Variants in TTYH2 observed in about 807,000 individuals in gnomAD.
TTYH2 encodes the protein protein tweety homolog 2.
A neutral mutation model predicts 68.3 loss-of-function variants in TTYH2; 49 were observed. The observed-to-expected ratio is 0.72, with a 90% confidence interval of 0.57 to 0.91. The LOEUF is 0.91. Ranked by LOEUF, TTYH2 falls within the 40% of genes least tolerant of loss-of-function variation. The pLI is 0.00. For missense variants in TTYH2, 631 were observed against 700.4 expected (o/e 0.90, Z 1.12); for synonymous variants, 272 against 300.8 (o/e 0.90, Z 0.99).
chr17:74,255,836 T>C (rs2050688521), intron 13 of TTYH2, among the ~76,000 whole-genome samples: 2 of 152,154 alleles, frequency 1.3e-5, no homozygotes, highest in African/African-American at 4.8e-5. Flanking sequence ...CTCCCTTCAT[T>C]GGGCCTGGCG....
Position 74,249,969 on chromosome 17 carries a change from A to G in TTYH2, c.964A>G (p.Met322Val). The change falls in exon 9 of 14, where the codon ATG (methionine) becomes GTG (valine). Residue 322 changes from methionine (M) to valine (V), a missense_variant. Physicochemically the swap from Met to Val is conservative, Grantham distance 21 (BLOSUM62 1). Coordinates refer to ENST00000269346, the MANE Select transcript of TTYH2 (RefSeq NM_032646.6). ...CACCTTCCAGCGCGCACTTACCACC[A>G]TGCAGATCCAGGTCGCGGGGCTGCT... ...LTTFQRALTT[M>V]QIQVAGLLQF... The G allele has an allele frequency of 1.2e-6, 2 of 1,614,038 alleles. No homozygotes were observed. Among genetic ancestry groups the G allele is most frequent in the South Asian group, 1.1e-5 (1 of 91,068 alleles).
At chr17:74,218,771 C>T (rs2050246177) in intron 1 of TTYH2, among the ~76,000 whole-genome samples, 1 of 152,120 alleles carries the variant, frequency 6.6e-6, no homozygotes, top group Admixed American at 6.5e-5. Context: ...GCCTTCCTTG[C>T]TGGGTGGGGA....
chr17:74,237,367 C>T lies in TTYH2; in HGVS notation c.488C>T (p.Ala163Val), dbSNP rs1441138324. 18 of 1,614,048 alleles carry T rather than the reference C, an allele frequency of 1.1e-5. No individual in the cohort carries two copies. The highest frequency in any genetic ancestry group is 1.7e-5 in the Admixed American group (1 of 60,000). Reference sequence around the variant, plus strand: ...GCCCGGCTCAGTGAGATCTTTGCTGCCCGGGGCGATTACCTGCAGACCCTG... The same window carrying T: ...GCCCGGCTCAGTGAGATCTTTGCTGTCCGGGGCGATTACCTGCAGACCCTG... Reference protein sequence around the residue: ...HLARLSEIFAARGDYLQTLKF... With the variant: ...HLARLSEIFAVRGDYLQTLKF... Residue 163 changes from alanine (A) to valine (V), a missense_variant, in exon 4 of 14, where the codon GCC becomes GTC. Transcript: ENST00000269346.
chr17:74,233,214 C>G (rs917728496), intron 3 of TTYH2, among the ~76,000 whole-genome samples: 6 of 152,160 alleles, frequency 3.9e-5, no homozygotes, highest in African/African-American at 1.4e-4. Context: ...TGCTGCCTTG[C>G]CTCCAGGTGG....
chr17:74,228,512 A>G (rs927479100), intron 2 of TTYH2, among the ~76,000 whole-genome samples: 95 of 152,342 alleles, frequency 6.2e-4, no homozygotes, highest in African/African-American at 2.2e-3. Flanking sequence ...ATTTGAAATG[A>G]TTTGTTCATG....
chr17:74,258,841 TG>T (rs1181276428), intron 13 of TTYH2, among the ~76,000 whole-genome samples: 1 of 152,108 alleles, frequency 6.6e-6, no homozygotes, highest in Non-Finnish European at 1.5e-5. Context: ...AAAACATCCC[TG>T]GTTGAGACCC....
rs2143739329 is a variant in TTYH2 at position 74,232,122 on chromosome 17, C to T, written c.414+1123C>T. 6.6e-6 allele frequency among the ~76,000 whole-genome samples: 1 copy of T among 152,390 alleles called. No individual in the cohort carries two copies. Among genetic ancestry groups the T allele is most frequent in the South Asian group, 2.1e-4 (1 of 4,832 alleles). On this transcript the variant is annotated intron_variant, in intron 3 of 13. Transcript: ENST00000269346. This position sits in a 1 kb window ranked among gnomAD's most constrained non-coding sequence, Gnocchi z 5.1. Reference sequence around the variant, plus strand: ...TTTCAGCTGCTTATCCGAGCAGCCTCTGCCACAAAATCCAGCCCCAACAGG... The same window carrying T: ...TTTCAGCTGCTTATCCGAGCAGCCTTTGCCACAAAATCCAGCCCCAACAGG...
chr17:74,251,651 C>T (rs551812241), intron 10 of TTYH2, among the ~76,000 whole-genome samples: 34 of 139,390 alleles, frequency 2.4e-4, no homozygotes, highest in Admixed American at 8.9e-4. Context: ...CAGACAGTGG[C>T]CTCTTCCCAC....
At chr17:74,229,857 G>T (rs949768930) in intron 2 of TTYH2, among the ~76,000 whole-genome samples, 4 of 152,258 alleles carry the variant, frequency 2.6e-5, no homozygotes, top group African/African-American at 9.6e-5. Context: ...AAGGCCAGGT[G>T]CAGTGGCTCA....
chr17:74,237,464 C>T lies in TTYH2; in HGVS notation c.585C>T (p.Thr195=). 1 of 1,614,028 alleles carries T rather than the reference C, an allele frequency of 6.2e-7. No homozygotes were observed. The highest frequency in any genetic ancestry group is 8.5e-7 in the Non-Finnish European group (1 of 1,179,964). ...GACTGCCCGTGTGGAGGGAGGTCAC[C>T]ATGGAGCTGACCAAGCTATCCGACC... is the stretch of plus-strand genomic sequence containing the variant. ...LSGLPVWREV[T]MELTKLSDQT... is the part of the protein sequence containing the mutation. Residue 195 remains threonine (T), a synonymous_variant, in exon 4 of 14, where the codon ACC becomes ACT. Coordinates refer to ENST00000269346, the MANE Select transcript of TTYH2 (RefSeq NM_032646.6).
chr17:74,217,825 C>T lies in TTYH2; in HGVS notation c.129+4109C>T, dbSNP rs984791707. On this transcript the variant is annotated intron_variant, in intron 1 of 13. Transcript: ENST00000269346. This position sits in a 1 kb window ranked among gnomAD's most constrained non-coding sequence, Gnocchi z 4.0. Reference sequence around the variant, plus strand: ...GGGTCCCAGCTTGGCACTCTCCGCTCTGGGTTTTTCATGACACAGTGACAA... The same window carrying T: ...GGGTCCCAGCTTGGCACTCTCCGCTTTGGGTTTTTCATGACACAGTGACAA... Among the ~76,000 whole-genome samples, 4 of 152,176 alleles carry T rather than the reference C, an allele frequency of 2.6e-5. No homozygotes were observed. The highest frequency in any genetic ancestry group is 9.7e-5 in the African/African-American group (4 of 41,444).
chr17:74,234,403 C>T (rs1014339695), intron 3 of TTYH2, among the ~76,000 whole-genome samples: 1 of 152,122 alleles, frequency 6.6e-6, no homozygotes, highest in African/African-American at 2.4e-5. Context: ...CCTGTCCCTG[C>T]GGGGAGTATT....
chr17:74,247,982 C>T (rs1325911013), intron 6 of TTYH2: 4 of 152,234 alleles, frequency 2.6e-5, no homozygotes, highest in Non-Finnish European at 5.9e-5. Flanking sequence ...GATGCACTAA[C>T]CTCTAGGTGC....
At chr17:74,250,407 G>C in intron 10 of TTYH2, 50 bp downstream of exon 10, 2 of 1,488,382 alleles carry the variant, frequency 1.3e-6, no homozygotes, top group Non-Finnish European at 1.9e-6. Flanking sequence ...CACCCAGCAG[G>C]CCACACCTTC....
chr17:74,246,677 C>T (rs886744163), intron 6 of TTYH2, among the ~76,000 whole-genome samples: 3 of 152,172 alleles, frequency 2.0e-5, no homozygotes, highest in Non-Finnish European at 4.4e-5. Flanking sequence ...ATGAGTAATG[C>T]ACACGTGTAT....
rs186387244 is a variant in TTYH2, at chr17:74,241,346, C to T, written c.636-2028C>T. 1.7e-3 allele frequency among the ~76,000 whole-genome samples: 264 copies of T among 151,688 alleles called. 1 individual carries two copies. The highest frequency in any genetic ancestry group is 3.2e-3 in the Non-Finnish European group (215 of 67,942). On this transcript the variant is annotated intron_variant, in intron 4 of 13. Transcript: ENST00000269346. This position sits in a 1 kb window ranked among gnomAD's most constrained non-coding sequence, Gnocchi z 4.1. ...CAAACACTAGATGGTTTGCGAGGTT[C>T]CTTCCAGCTCTGAGCTAAGTCTAAG...
At chr17:74,231,093 C>G in intron 3 of TTYH2, 94 bp downstream of exon 3, 1 of 1,182,122 alleles carries the variant, frequency 8.5e-7, no homozygotes, top group Non-Finnish European at 1.2e-6. Context: ...GCTAGCTCAG[C>G]TGCACACGGA....
intron 9 of TTYH2, 110 bp from the exon 10 acceptor site, chr17:74,250,155 C>T (rs1598230931): frequency 1.4e-6 from 2 of 1,453,440 alleles, no homozygotes; most frequent in South Asian, 1.2e-5. Context: ...CCCCGTGACT[C>T]GGCTCCCTCC....
chr17:74,217,121 C>A lies in TTYH2; in HGVS notation c.129+3405C>A, dbSNP rs1240076737. Among the ~76,000 whole-genome samples, 1 of 152,204 alleles carries A rather than the reference C, an allele frequency of 6.6e-6. No homozygotes were observed. The highest frequency in any genetic ancestry group is 1.5e-5 in the Non-Finnish European group (1 of 68,040). On this transcript the variant is annotated intron_variant, in intron 1 of 13. Coordinates refer to ENST00000269346, the MANE Select transcript of TTYH2 (RefSeq NM_032646.6). This position sits in a 1 kb window ranked among gnomAD's most constrained non-coding sequence, Gnocchi z 4.0. The stretch of plus-strand genomic sequence containing the variant: ...AGTGCCACCATCACCATCCAGCCAG[C>A]CCCTCAGGGGAGACCAGACACTGAT...
Sources: allele counts gnomAD v4.1 joint callset (sites outside exome capture counted in the v4.1 genomes callset), GRCh38; gene constraint gnomAD v4.1.1; non-coding constraint Gnocchi (gnomAD v3.1); transcripts MANE v1.5; gene names NCBI Gene and HGNC (gene_info 2026-07-23, HGNC 2026-07-21).